CD300LB: variants seen among roughly 807,000 people sequenced by gnomAD.
The protein encoded by CD300LB is CMRF35-like molecule 7.
CD300LB carries 18 observed loss-of-function variants against 20.8 expected under a neutral mutation model. That is an observed-to-expected ratio of 0.87 (90% CI 0.60 to 1.28). The LOEUF (loss-of-function observed/expected upper bound fraction) is 1.28. Ranked by LOEUF, CD300LB falls within the 50% of genes most tolerant of loss-of-function variation. The probability of loss-of-function intolerance (pLI) is 0.00; values close to 1 mark genes in which losing one functional copy is unlikely to be tolerated. For missense variants in CD300LB, 222 were observed against 251.8 expected (o/e 0.88, Z 0.80); for synonymous variants, 91 against 91.3 (o/e 1.00, Z 0.02).
At chr17:74,524,754 A>T (rs575296945) in intron 2 of CD300LB, among the ~76,000 whole-genome samples, 1 of 151,544 alleles carries the variant, frequency 6.6e-6, no homozygotes, top group Non-Finnish European at 1.5e-5. Context: ...CCCACCCAAG[A>T]CTCCGGAACA....
chr17:74,523,297 T>TC (rs1907937507), intron 3 of CD300LB: 2 of 539,528 alleles, frequency 3.7e-6, no homozygotes, highest in Non-Finnish European at 6.7e-6. Context: ...GTATCTTATC[T>TC]CCCCCTGGCA....
At chr17:74,528,155 G>A (rs1329678820) in intron 1 of CD300LB, among the ~76,000 whole-genome samples, 3 of 151,926 alleles carry the variant, frequency 2.0e-5, no homozygotes, top group African/African-American at 7.2e-5. Context: ...ATGGTGCAGT[G>A]TATAATCATT....
chr17:74,525,494 C>T (rs1217545338), intron 2 of CD300LB, among the ~76,000 whole-genome samples: 2 of 152,094 alleles, frequency 1.3e-5, no homozygotes, highest in Non-Finnish European at 2.9e-5. Flanking sequence ...CCACCCCCAT[C>T]CCAAGCCCCA....
intron 1 of CD300LB, among the ~76,000 whole-genome samples, chr17:74,528,531 C>G (rs1006988661): frequency 4.6e-5 from 7 of 152,212 alleles, no homozygotes; most frequent in Admixed American, 6.5e-5. Context: ...CACCACCCAG[C>G]CTTCAGGAAG....
rs1907888618 is a variant in CD300LB, at chr17:74,521,819, C to A, written c.*919G>T. 1 of 985,398 alleles carries A rather than the reference C, an allele frequency of 1.0e-6. No homozygotes were observed. The highest frequency in any genetic ancestry group is 1.7e-5 in the African/African-American group (1 of 57,234). 61.0% of individuals were successfully genotyped at this position (985,398 alleles called of 1,614,324 possible). On this transcript the variant is annotated 3_prime_UTR_variant, in exon 4 of 4. Transcript: ENST00000392621. ...ACAAAGTGACCACATTCAAGGGCCT[C>A]ATCGCCGTGGGTGAAGCCTGTGAGG...
chr17:74,526,739 G>A (rs542173546), intron 1 of CD300LB, among the ~76,000 whole-genome samples: 3 of 152,230 alleles, frequency 2.0e-5, no homozygotes, highest in African/African-American at 4.8e-5. Flanking sequence ...AAAAAATCTG[G>A]TTTTAATATT....
At chr17:74,528,048 T>G (rs1908089013) in intron 1 of CD300LB, among the ~76,000 whole-genome samples, 1 of 151,936 alleles carries the variant, frequency 6.6e-6, no homozygotes, top group Non-Finnish European at 1.5e-5. Context: ...TTTATGAGAC[T>G]CTAATGCCTG....
At position 74,531,321 on chromosome 17, in the gene CD300LB, GAGA is replaced by G; in HGVS notation, c.27_29del (p.Leu10del). 6.3e-7 allele frequency: 1 copy of G among 1,595,240 alleles called. No individual in the cohort carries two copies. The highest frequency in any genetic ancestry group is 8.5e-7 in the Non-Finnish European group (1 of 1,170,968). Reference sequence around the variant, plus strand: ...CCCAGCCCCACTCACCTGAGAGGCTGAGAAGGAGCAGAGCAGGGGGCAGCCACA... The same window carrying G: ...CCCAGCCCCACTCACCTGAGAGGCTGAGGAGCAGAGCAGGGGGCAGCCACA... On this transcript the variant is annotated inframe_deletion, in exon 1 of 4. Coordinates refer to ENST00000392621, the MANE Select transcript of CD300LB (RefSeq NM_174892.4).
rs1056882520 is a variant in CD300LB, at chr17:74,521,736, G to A, written c.*1002C>T. On this transcript the variant is annotated 3_prime_UTR_variant, in exon 4 of 4. Transcript: ENST00000392621. ...TGTTTGCTTGTGGGCAGGTGGGGGC[G>A]GGAGCACATCTCACATGGGAAGGTC... 35 of 985,650 alleles carry A rather than the reference G, an allele frequency of 3.6e-5. No individual in the cohort carries two copies. The highest frequency in any genetic ancestry group is 2.3e-4 in the East Asian group (2 of 8,806). 61.1% of individuals were successfully genotyped at this position (985,650 alleles called of 1,614,324 possible).
chr17:74,531,066 A>T (rs555824818), intron 1 of CD300LB, among the ~76,000 whole-genome samples: 1 of 152,236 alleles, frequency 6.6e-6, no homozygotes, highest in African/African-American at 2.4e-5. Flanking sequence ...TGGCCTCCCA[A>T]AGTGTTAGGA....
chr17:74,523,593 G>T lies in CD300LB; in HGVS notation c.429C>A (p.Ile143=). 6.2e-7 allele frequency: 1 copy of T among 1,612,306 alleles called. No homozygotes were observed. The highest frequency in any genetic ancestry group is 8.5e-7 in the Non-Finnish European group (1 of 1,178,372). ...ACATGACTCACCTCTTGTGGGAGCC[G>T]ATGAACACTGCCATATTGCTGTTGG... ...SPTNSNMAVF[I]GSHKRNHYML... The change falls in exon 3 of 4, where the codon ATC becomes ATA. Residue 143 remains isoleucine, a synonymous_variant. Transcript: ENST00000392621.
rs771582861 is a variant in CD300LB at position 74,526,004 on chromosome 17, A to C, written c.114T>G (p.Tyr38Ter). 6.2e-7 allele frequency: 1 copy of C among 1,614,172 alleles called. No individual in the cohort carries two copies. Among genetic ancestry groups the C allele is most frequent in the South Asian group, 1.1e-5 (1 of 91,084 alleles). ...TAATGTAGGTCTCCCATCCTTGCTT[A>C]TAGTGGCATTGAACCGTCAGGGACC... The part of the protein sequence containing the change: ...EQGSLTVQCH[Y>*]KQGWETYIKW... The change falls in exon 2 of 4, where the codon TAT becomes TAG. Residue 38 changes from tyrosine to a stop codon, truncating the protein, a stop_gained. Coordinates refer to ENST00000392621, the MANE Select transcript of CD300LB (RefSeq NM_174892.4). LOFTEE classifies it high-confidence loss of function.
chr17:74,525,621 G>GTCTC (rs371016835), intron 2 of CD300LB, 127 bp downstream of exon 2: 18 of 726,228 alleles, frequency 2.5e-5, no homozygotes, highest in Middle Eastern at 3.0e-4. Flanking sequence ...CTGTCTGTCT[G>GTCTC]TCTCTCTCTC....
chr17:74,524,210 G>T (rs550604214), intron 2 of CD300LB, among the ~76,000 whole-genome samples: 1 of 152,200 alleles, frequency 6.6e-6, no homozygotes, highest in East Asian at 1.9e-4. Context: ...GGTCAGGGGG[G>T]CCCTGAGCCC....
Position 74,531,341 on chromosome 17 carries a change from G to T in CD300LB, c.10C>A (p.Pro4Thr). ...AGGCTGAGAAGGAGCAGAGCAGGGG[G>T]CAGCCACATGGCTCTGCCTTCCCGG... Reference protein sequence around the residue: MWLPPALLLLSLSG... With the variant: MWLTPALLLLSLSG... The change falls in exon 1 of 4, where the codon CCC becomes ACC. Residue 4 changes from proline to threonine, a missense_variant. Transcript: ENST00000392621. The T allele has an allele frequency of 1.2e-6, 2 of 1,607,886 alleles. No homozygotes were observed. The highest frequency in any genetic ancestry group is 1.7e-6 in the Non-Finnish European group (2 of 1,176,882).
chr17:74,526,502 C>T (rs979357919), intron 1 of CD300LB, among the ~76,000 whole-genome samples: 1 of 152,208 alleles, frequency 6.6e-6, no homozygotes, highest in African/African-American at 2.4e-5. Context: ...CACCTGAGGT[C>T]AGGAGTTCGA....
chr17:74,527,691 T>C (rs1339421570), intron 1 of CD300LB, among the ~76,000 whole-genome samples: 5 of 113,618 alleles, frequency 4.4e-5, no homozygotes, highest in African/African-American at 9.5e-5. Context: ...AATTGGAAGA[T>C]GGTCTGTTGC....
chr17:74,523,538 G>A (rs370309053), intron 3 of CD300LB, 41 bp downstream of exon 3: 3 of 1,426,660 alleles, frequency 2.1e-6, no homozygotes, highest in Non-Finnish European at 3.0e-6. Context: ...CCCTTAGGAG[G>A]GACCCCAGGT....
intron 2 of CD300LB, 51 bp from the exon 3 acceptor site, chr17:74,523,702 T>G (rs773714408): frequency 1.5e-6 from 2 of 1,297,026 alleles, no homozygotes; most frequent in African/African-American, 1.4e-5. Flanking sequence ...TGGGAGCTCA[T>G]GCATGGGTCA....
Sources: allele counts gnomAD v4.1 joint callset (sites outside exome capture counted in the v4.1 genomes callset), GRCh38; gene constraint gnomAD v4.1.1; transcripts MANE v1.5; gene names NCBI Gene and HGNC (gene_info 2026-07-23, HGNC 2026-07-21).